THADA: variants seen among roughly 807,000 people sequenced by gnomAD.
The protein encoded by THADA is tRNA (32-2'-O)-methyltransferase regulator THADA.
In THADA, 213 loss-of-function variants were observed where a neutral mutation model predicts 219.8. That is an observed-to-expected ratio of 0.97 (90% CI 0.87 to 1.09). THADA has a LOEUF of 1.09. THADA is among the 50% of genes least tolerant of loss of function. The pLI is 0.00. For missense variants in THADA, 2,956 were observed against 2,311.3 expected (o/e 1.28, Z -5.72); for synonymous variants, 1,018 against 828.9 (o/e 1.23, Z -3.92).
intron 31 of THADA, among the ~76,000 whole-genome samples, chr2:43,314,190 G>T (rs1338969241): frequency 6.6e-6 from 1 of 152,106 alleles, no homozygotes; most frequent in Non-Finnish European, 1.5e-5. Flanking sequence ...GGTATGGATG[G>T]ACAAATCCTT....
At chr2:43,569,367 G>C (rs1487712463) in intron 14 of THADA, among the ~76,000 whole-genome samples, 5 of 152,172 alleles carry the variant, frequency 3.3e-5, no homozygotes. Flanking sequence ...GAGATATATA[G>C]TCTACAAAGA....
At chr2:43,272,367 G>C (rs116682248) in intron 36 of THADA, among the ~76,000 whole-genome samples, 7 of 152,166 alleles carry the variant, frequency 4.6e-5, no homozygotes, top group African/African-American at 1.7e-4. Context: ...GAATTGCAAC[G>C]AACAAAAATA....
chr2:43,349,953 C>A (rs1388818261), intron 29 of THADA, among the ~76,000 whole-genome samples: 4 of 152,156 alleles, frequency 2.6e-5, no homozygotes, highest in Non-Finnish European at 5.9e-5. Flanking sequence ...GCTTCAACCC[C>A]CAAAGCTAAG....
intron 26 of THADA, among the ~76,000 whole-genome samples, chr2:43,437,547 C>G (rs1043539210): frequency 1.3e-5 from 2 of 152,090 alleles, no homozygotes; most frequent in Non-Finnish European, 2.9e-5. Flanking sequence ...GGATTTGGTG[C>G]CAACTCATCA....
chr2:43,345,617 T>A (rs1667552718), intron 29 of THADA, among the ~76,000 whole-genome samples: 1 of 152,194 alleles, frequency 6.6e-6, no homozygotes, highest in African/African-American at 2.4e-5. Context: ...TCTGTTCTTA[T>A]GTGGTGACTG....
At chr2:43,501,306 C>CAAAAAAAAAAAAAAAAAAAAAAAAA (rs1558864377) in intron 24 of THADA, among the ~76,000 whole-genome samples, 1 of 12,280 alleles carries the variant, frequency 8.1e-5, no homozygotes, top group African/African-American at 2.7e-4. Context: ...AACTCCAACT[C>CAAAAAAAAAAAAAAAAAAAAAAAAA]CAAAAAAAAA....
chr2:43,426,714 A>G (rs538989872), intron 28 of THADA, among the ~76,000 whole-genome samples: 70 of 152,216 alleles, frequency 4.6e-4, no homozygotes, highest in Non-Finnish European at 9.0e-4. Flanking sequence ...ATTAAAATGC[A>G]TAAGTCAGCT....
chr2:43,579,706 G>A lies in THADA; in HGVS notation c.722-1099C>T, dbSNP rs1054704805. ...CTTGAGTATCCTGATCAAAAGTAAAGACGCAACTGGCCTTCCTTCTTCCTG... is the reference window on the plus strand; with the variant it reads ...CTTGAGTATCCTGATCAAAAGTAAAAACGCAACTGGCCTTCCTTCTTCCTG... On this transcript the variant is annotated intron_variant, in intron 8 of 37. Transcript: ENST00000405975. 3.9e-5 allele frequency among the ~76,000 whole-genome samples: 6 copies of A among 152,196 alleles called. No individual in the cohort carries two copies. The East Asian group carries it at 1.2e-3, about 29-fold the overall frequency.
intron 34 of THADA, among the ~76,000 whole-genome samples, chr2:43,291,454 C>CAAAAAA (rs765352765): frequency 0.012 from 93 of 8,074 alleles, 6 homozygotes; most frequent in African/African-American, 0.031. Context: ...AACTCCATCT[C>CAAAAAA]AAAAAAAAAA....
chr2:43,539,633 C>T (rs925689489), intron 21 of THADA, among the ~76,000 whole-genome samples: 3 of 152,152 alleles, frequency 2.0e-5, no homozygotes, highest in Non-Finnish European at 4.4e-5. Context: ...TTTCTTCTCA[C>T]GCCTATGTAT....
Position 43,541,219 on chromosome 2 carries a change from G to T in THADA, c.3204C>A (p.Cys1068Ter). The T allele has an allele frequency of 6.2e-7, 1 of 1,610,684 alleles. No individual in the cohort carries two copies. Among genetic ancestry groups the T allele is most frequent in the Non-Finnish European group, 8.5e-7 (1 of 1,178,716 alleles). ...GCACAGGCTGCATGGGCAGAAGCTG[G>T]CACAACATGCCTAAAAGTAAAGCAA... ...KEVALLLGMLCQLLPMQPVPE... is the reference protein window; with the variant it reads ...KEVALLLGML Residue 1068 changes from cysteine to a stop codon, truncating the protein, a stop_gained, in exon 21 of 38, where the codon TGC becomes TGA. Coordinates refer to ENST00000405975, the MANE Select transcript of THADA (RefSeq NM_022065.5). LOFTEE classifies it high-confidence loss of function.
chr2:43,501,935 C>T (rs901913321), intron 24 of THADA, among the ~76,000 whole-genome samples: 6 of 149,938 alleles, frequency 4.0e-5, no homozygotes, highest in Non-Finnish European at 5.9e-5. Flanking sequence ...CAGAGAGAGA[C>T]TCCATCTCAA....
intron 29 of THADA, among the ~76,000 whole-genome samples, chr2:43,390,634 A>G (rs1558683783): frequency 6.6e-6 from 1 of 152,076 alleles, no homozygotes; most frequent in Non-Finnish European, 1.5e-5. Context: ...TAATTTACCT[A>G]TTATATTTAC....
chr2:43,423,435 CTTTT>C (rs34481568), intron 28 of THADA, among the ~76,000 whole-genome samples: 1 of 142,174 alleles, frequency 7.0e-6, no homozygotes. Context: ...TTCTTTCTTT[CTTTT>C]TTTTTTTTTT....
chr2:43,404,792 T>C (rs1386407706), intron 28 of THADA, among the ~76,000 whole-genome samples: 1 of 152,184 alleles, frequency 6.6e-6, no homozygotes, highest in Non-Finnish European at 1.5e-5. Context: ...TGACACTTAC[T>C]AGTGTGTGAC....
intron 26 of THADA, among the ~76,000 whole-genome samples, chr2:43,436,300 CG>C: frequency 6.6e-6 from 1 of 152,076 alleles, no homozygotes; most frequent in Non-Finnish European, 1.5e-5. Flanking sequence ...TCTCAGACCC[CG>C]GGAGGTACAA....
chr2:43,566,093 A>T (rs1368891241), intron 15 of THADA: 2 of 182,492 alleles, frequency 1.1e-5, no homozygotes, highest in African/African-American at 2.4e-5. Context: ...GTCTCAAAAT[A>T]AAAAAAAAGG....
rs1052092517 is a variant in THADA, at chr2:43,572,938, C to G, written c.1784G>C (p.Gly595Ala). 9 of 1,613,920 alleles carry G rather than the reference C, an allele frequency of 5.6e-6. No homozygotes were observed. Among genetic ancestry groups the G allele is most frequent in the Non-Finnish European group, 7.6e-6 (9 of 1,179,868 alleles). The change falls in exon 12 of 38, where the codon GGA (glycine) becomes GCA (alanine). Residue 595 changes from glycine (G) to alanine (A), a missense_variant. Coordinates refer to ENST00000405975, the MANE Select transcript of THADA (RefSeq NM_022065.5). ...LGSCNSRGAL[G>A]ALMACLRIAR... is the part of the protein sequence containing the mutation. ...TATTCGCAGACATGCCATCAAAGCT[C>G]CCAGAGCCCCCCTGCTATTACAAGA...
intron 28 of THADA, among the ~76,000 whole-genome samples, chr2:43,422,113 G>T (rs1677791666): frequency 6.6e-6 from 1 of 152,190 alleles, no homozygotes; most frequent in African/African-American, 2.4e-5. Context: ...AGTTTTCCTT[G>T]AAAACTTAAC....
Sources: gnomAD v4.1 joint callset for allele counts (sites outside exome capture counted in the v4.1 genomes callset) on GRCh38, gnomAD v4.1.1 for gene constraint, MANE v1.5 for transcripts, NCBI Gene and HGNC (gene_info 2026-07-23, HGNC 2026-07-21) for gene names.